The following ADAM19 variants were observed in gnomAD, a reference collection of about 807,000 sequenced individuals.
The protein encoded by ADAM19 is ADAM metallopeptidase domain 19, also known as disintegrin and metalloproteinase domain-containing protein 19.
Under a neutral mutation model 114.7 loss-of-function variants are expected in ADAM19, and 65 were observed. The ratio of observed to expected loss-of-function variants is 0.57; its 90% CI spans 0.46 to 0.70. The LOEUF is 0.70. Among genes scored for constraint, ADAM19 ranks in the 30% least tolerant of loss-of-function variants. ADAM19 has a pLI of 0.00. For missense variants in ADAM19, 1,063 were observed against 1,204.7 expected (o/e 0.88, Z 1.74); for synonymous variants, 466 against 460.5 (o/e 1.01, Z -0.15).
At chr5:157,547,423 G>C (rs749213963) in intron 3 of ADAM19, among the ~76,000 whole-genome samples, 1 of 152,208 alleles carries the variant, frequency 6.6e-6, no homozygotes, top group Non-Finnish European at 1.5e-5. Flanking sequence ...CCACCATAAT[G>C]AGTGGATTAA....
At chr5:157,535,085 T>A (rs780433993) in intron 4 of ADAM19, among the ~76,000 whole-genome samples, 1 of 152,084 alleles carries the variant, frequency 6.6e-6, no homozygotes, top group Admixed American at 6.5e-5. Flanking sequence ...CCATAAAAAT[T>A]AGTGATTCAT....
At chr5:157,552,115 C>T (rs1351738101) in intron 3 of ADAM19, among the ~76,000 whole-genome samples, 1 of 152,148 alleles carries the variant, frequency 6.6e-6, no homozygotes, top group Non-Finnish European at 1.5e-5. Flanking sequence ...CGCACCACTG[C>T]ACTCCAGCCT....
At chr5:157,513,640 TC>T in intron 7 of ADAM19, 135 bp from the exon 8 acceptor site, 1 of 748,184 alleles carries the variant, frequency 1.3e-6, no homozygotes, top group Non-Finnish European at 2.3e-6. Context: ...GCAATTGTCT[TC>T]CCCACCACAG....
At chr5:157,481,088 G>A (rs1581280067) in intron 22 of ADAM19, 86 bp from the exon 23 acceptor site, 1 of 1,567,764 alleles carries the variant, frequency 6.4e-7, no homozygotes, top group Non-Finnish European at 8.7e-7. Context: ...CCCGATTTTA[G>A]AAGGAAGGAT....
In ADAM19 at chr5:157,503,041, T is replaced by C. The variant is rs1040002281; in HGVS notation, c.1131-61A>G. On this transcript the variant is annotated intron_variant, in intron 11 of 22. Transcript: ENST00000257527. The stretch of plus-strand genomic sequence containing the variant: ...TGAGCATCTAGCAGTCAGGCAGGTG[T>C]CACTCGTGCTGTCACTCCTGCTACC... 1.6e-5 allele frequency: 24 copies of C among 1,519,422 alleles called. 1 individual carries two copies. The East Asian group carries it at 1.6e-4, about 10-fold the overall frequency. The allele number at this position is 1,519,422 out of a possible 1,614,324, so 94.1% of individuals were successfully genotyped here.
intron 12 of ADAM19, among the ~76,000 whole-genome samples, chr5:157,500,694 C>T (rs573344077): frequency 1.4e-4 from 22 of 152,284 alleles, no homozygotes; most frequent in African/African-American, 5.3e-4. Context: ...GCTTCTCTTC[C>T]TAAGCCCTTC....
intron 21 of ADAM19, among the ~76,000 whole-genome samples, chr5:157,486,802 A>AG (rs1356682985): frequency 1.3e-5 from 2 of 152,132 alleles, no homozygotes; most frequent in East Asian, 3.8e-4. Flanking sequence ...TTTAAAAAAA[A>AG]AAAATCATAT....
In ADAM19 at chr5:157,502,847, C is replaced by T. The variant is rs779477850; in HGVS notation, c.1264G>A (p.Gly422Arg). ...MLYGGRRCGN[G>R]YLEDGEECDC... ...CACTCTTCCCCATCTTCCAGATACC[C>T]GTTCCCACACCTCCGGCCTCCATAC... The change falls in exon 12 of 23, where the codon GGG becomes AGG. Residue 422 changes from glycine to arginine, a missense_variant. Coordinates refer to ENST00000257527, the MANE Select transcript of ADAM19 (RefSeq NM_033274.5). 5.6e-6 allele frequency: 9 copies of T among 1,614,086 alleles called. No homozygotes were observed. The highest frequency in any genetic ancestry group is 2.7e-5 in the African/African-American group (2 of 74,932).
intron 2 of ADAM19, 60 bp downstream of exon 2, chr5:157,570,835 G>A: frequency 1.4e-6 from 2 of 1,441,856 alleles, no homozygotes; most frequent in Admixed American, 1.8e-5. Flanking sequence ...AAGTTGAGTA[G>A]GTAGCCCAAA....
intron 4 of ADAM19, among the ~76,000 whole-genome samples, chr5:157,535,435 C>T (rs1201456146): frequency 6.6e-6 from 1 of 152,256 alleles, no homozygotes; most frequent in Non-Finnish European, 1.5e-5. Context: ...TAGTTTATTC[C>T]ATTCCCATTT....
chr5:157,498,157 C>T (rs1483142479), intron 13 of ADAM19, among the ~76,000 whole-genome samples: 1 of 152,194 alleles, frequency 6.6e-6, no homozygotes, highest in Admixed American at 6.5e-5. Context: ...GGCCACTCCT[C>T]CCACCCACAG....
At chr5:157,559,755 A>G (rs1757461725) in intron 3 of ADAM19, among the ~76,000 whole-genome samples, 1 of 152,140 alleles carries the variant, frequency 6.6e-6, no homozygotes, top group Non-Finnish European at 1.5e-5. Context: ...AGCAGTCTAT[A>G]ATTTCTGCTC....
rs901842238 is a variant in ADAM19 at position 157,481,829 on chromosome 5, G to T, written c.2665C>A (p.Pro889Thr). The change falls in exon 22 of 23, where the codon CCT becomes ACT. Residue 889 changes from proline (P) to threonine (T), a missense_variant. Transcript: ENST00000257527. ...GCTGCCAGAGGCCGGGACTGCTGAG[G>T]GCCAGCACCAGGGGGCCGCAGTGGG... Reference protein sequence around the residue: ...ASPLRPPGAGPQQSRPLAALA... With the variant: ...ASPLRPPGAGTQQSRPLAALA... 5.1e-6 allele frequency: 8 copies of T among 1,581,134 alleles called. No homozygotes were observed. The highest frequency in any genetic ancestry group is 1.3e-5 in the African/African-American group (1 of 74,408).
In ADAM19 at chr5:157,497,034, T is replaced by C. The variant is rs1755386603; in HGVS notation, c.1454A>G (p.Glu485Gly). The change falls in exon 14 of 23, where the codon GAG becomes GGG. Residue 485 changes from glutamate (E) to glycine (G), a missense_variant. This residue lies in a region of ADAM19 where 615 missense variants were observed against 706.3 expected (regional missense o/e 0.87). Transcript: ENST00000257527. ...REQARQCDLP[E>G]FCTGKSPHCP... ...GTGGGGAGACTTGCCCGTACAGAAC[T>C]CCGGGAGGTCACACTGCCTGGCCTG... is the stretch of plus-strand genomic sequence containing the variant. The C allele has an allele frequency of 6.3e-7, 1 of 1,577,266 alleles. No homozygotes were observed. The highest frequency in any genetic ancestry group is 8.6e-7 in the Non-Finnish European group (1 of 1,164,930).
At position 157,531,676 on chromosome 5, in the gene ADAM19, GA is replaced by G. The variant is rs781565661; in HGVS notation, c.331-794del. Among the ~76,000 whole-genome samples the G allele has an allele frequency of 3.5e-3, 465 of 133,926 alleles. 3 individuals carry two copies. The highest frequency in any genetic ancestry group is 0.024 in the South Asian group (102 of 4,266). The allele number at this position is 133,926 out of a possible 152,430, so 87.9% of individuals were successfully genotyped here. On this transcript the variant is annotated intron_variant, in intron 4 of 22. Transcript: ENST00000257527. Reference sequence around the variant, plus strand: ...AGTGAGATTCTGTCTCAAGGAAAAGGAAAAAAAAAAAAAAGATGGTGTCATG... The same window carrying G: ...AGTGAGATTCTGTCTCAAGGAAAAGGAAAAAAAAAAAAAGATGGTGTCATG...
chr5:157,564,940 G>A (rs901956398), intron 2 of ADAM19, among the ~76,000 whole-genome samples: 5 of 152,144 alleles, frequency 3.3e-5, no homozygotes, highest in Admixed American at 6.5e-5. Flanking sequence ...CCTGGCACAC[G>A]GCAAGCCATG....
At chr5:157,499,781 T>G (rs1755497982) in intron 12 of ADAM19, 119 bp from the exon 13 acceptor site, 1 of 652,228 alleles carries the variant, frequency 1.5e-6, no homozygotes, top group African/African-American at 1.9e-5. Flanking sequence ...CTCTTTTTTT[T>G]TTTTTTTTTT....
chr5:157,560,252 G>A (rs1019257049), intron 3 of ADAM19, among the ~76,000 whole-genome samples: 5 of 115,594 alleles, frequency 4.3e-5, no homozygotes, highest in South Asian at 3.1e-4. Flanking sequence ...GCGACAGAGC[G>A]AGACTCCGTC....
At chr5:157,481,481 A>G in intron 22 of ADAM19, 1 of 931,860 alleles carries the variant, frequency 1.1e-6, no homozygotes, top group East Asian at 2.6e-5. Context: ...ACTACTGCTC[A>G]TCATAGCCTC....
Sources: allele counts gnomAD v4.1 joint callset (sites outside exome capture counted in the v4.1 genomes callset), GRCh38; gene constraint gnomAD v4.1.1; regional missense constraint gnomAD v4.1.1; transcripts MANE v1.5; gene names NCBI Gene and HGNC (gene_info 2026-07-23, HGNC 2026-07-21).